MYOC: variants seen among roughly 807,000 people sequenced by gnomAD.
MYOC encodes the protein juvenile-onset open-angle glaucoma 1.
Under a neutral mutation model 28.2 loss-of-function variants are expected in MYOC, and 29 were observed. The ratio of observed to expected loss-of-function variants is 1.03; its 90% confidence interval spans 0.77 to 1.40. The LOEUF (loss-of-function observed/expected upper bound fraction) is 1.40. Ranked by LOEUF, MYOC falls within the 40% of genes most tolerant of loss-of-function variation. MYOC has a pLI of 0.00. For synonymous variants in MYOC, 240 were observed against 245.6 expected, an observed-to-expected ratio of 0.98 and a Z score of 0.21; for missense variants, 569 against 620.6, an observed-to-expected ratio of 0.92 and a Z score of 0.88.
intron 1 of MYOC, among the ~76,000 whole-genome samples, chr1:171,640,078 C>T (rs1350323246): frequency 1.2e-5 from 1 of 84,672 alleles, no homozygotes; most frequent in Admixed American, 1.1e-4. Flanking sequence ...AGGGAGACTC[C>T]TGTTAAAAAA....
intron 1 of MYOC, among the ~76,000 whole-genome samples, chr1:171,648,790 C>T (rs925870133): frequency 1.4e-4 from 21 of 150,574 alleles, no homozygotes; most frequent in Admixed American, 9.9e-4. Context: ...CAGGTTCAAG[C>T]GATTCTCCTG....
intron 1 of MYOC, among the ~76,000 whole-genome samples, chr1:171,651,440 T>A (rs1015469114): frequency 6.6e-6 from 1 of 151,480 alleles, no homozygotes. Context: ...ATTTGTCTGA[T>A]GACTTAAAAG....
intron 1 of MYOC, among the ~76,000 whole-genome samples, chr1:171,646,096 G>C (rs1321564227): frequency 2.6e-5 from 4 of 152,216 alleles, no homozygotes; most frequent in African/African-American, 9.7e-5. Flanking sequence ...TCAGACTCCA[G>C]GAATAGAGCC....
At position 171,652,132 on chromosome 1, in the gene MYOC, C is replaced by T; in HGVS notation, c.480G>A (p.Arg160=). 1 of 1,614,198 alleles carries T rather than the reference C, an allele frequency of 6.2e-7. No individual in the cohort carries two copies. The highest frequency in any genetic ancestry group is 8.5e-7 in the Non-Finnish European group (1 of 1,180,028). Residue 160 remains arginine, a synonymous_variant, in exon 1 of 3, where the codon AGG becomes AGA. Transcript: ENST00000037502. ...SVLEEEKKRL[R]QENENLARRL... is the part of the protein sequence containing the mutation. ...TCCTGGCCAGATTCTCATTTTCTTGCCTTAGTCGCTTCTTCTCTTCCTCCA... is the reference window on the plus strand; with the variant it reads ...TCCTGGCCAGATTCTCATTTTCTTGTCTTAGTCGCTTCTTCTCTTCCTCCA...
chr1:171,647,752 C>T (rs560771655), intron 1 of MYOC, among the ~76,000 whole-genome samples: 55 of 152,248 alleles, frequency 3.6e-4, no homozygotes, highest in African/African-American at 1.2e-3. Context: ...CAGGTTTCTC[C>T]CCTCACCCTC....
At chr1:171,644,207 A>G (rs1017381496) in intron 1 of MYOC, among the ~76,000 whole-genome samples, 1 of 152,140 alleles carries the variant, frequency 6.6e-6, no homozygotes, top group African/African-American at 2.4e-5. Flanking sequence ...AAAACCAAAA[A>G]GAGATTATGA....
intron 1 of MYOC, among the ~76,000 whole-genome samples, chr1:171,651,642 A>G (rs235919): frequency 0.74 from 112,370 of 152,166 alleles, 41,673 homozygotes; most frequent in East Asian, 0.88. Flanking sequence ...CAAAAGGTAC[A>G]AATAACAATC....
chr1:171,640,659 G>A (rs148731503), intron 1 of MYOC, among the ~76,000 whole-genome samples: 199 of 152,242 alleles, frequency 1.3e-3, no homozygotes, highest in African/African-American at 4.6e-3. Context: ...ACTTGAGACC[G>A]GGAGGTCAAG....
chr1:171,638,369 T>G (rs1558086484), intron 2 of MYOC, among the ~76,000 whole-genome samples: 1 of 152,146 alleles, frequency 6.6e-6, no homozygotes, highest in Non-Finnish European at 1.5e-5. Flanking sequence ...GTGTGGGTGA[T>G]AGGATAGAGG....
At chr1:171,644,237 G>A (rs964133086) in intron 1 of MYOC, among the ~76,000 whole-genome samples, 1 of 151,738 alleles carries the variant, frequency 6.6e-6, no homozygotes, top group African/African-American at 2.4e-5. Context: ...GGGCTATATT[G>A]TGACAGATCG....
At position 171,635,765 on chromosome 1, in the gene MYOC, A is replaced by G; in HGVS notation, c.*160T>C. The G allele has an allele frequency of 1.4e-6, 1 of 699,226 alleles. No individual in the cohort carries two copies. Among genetic ancestry groups the G allele is most frequent in the Non-Finnish European group, 2.5e-6 (1 of 404,880 alleles). 43.3% of individuals were successfully genotyped at this position (699,226 alleles called of 1,614,324 possible). ...TACGCCCTCAGACTACAATTCCTGA[A>G]TAGTTAGATGGTGACCATGTTCATC... On this transcript the variant is annotated 3_prime_UTR_variant, in exon 3 of 3. Transcript: ENST00000037502.
chr1:171,636,752 A>G (rs1054865183), intron 2 of MYOC, 43 bp from the exon 3 acceptor site: 40 of 1,583,750 alleles, frequency 2.5e-5, no homozygotes, highest in Non-Finnish European at 3.3e-5. Context: ...CTTAATCCAT[A>G]ATCTTTCCAA....
At chr1:171,651,216 T>C (rs1653342247) in intron 1 of MYOC, among the ~76,000 whole-genome samples, 1 of 152,180 alleles carries the variant, frequency 6.6e-6, no homozygotes, top group African/African-American at 2.4e-5. Context: ...TGGATTTGCT[T>C]GCTTATTTCC....
At chr1:171,642,259 G>A (rs368862597) in intron 1 of MYOC, among the ~76,000 whole-genome samples, 12 of 152,304 alleles carry the variant, frequency 7.9e-5, no homozygotes, top group Admixed American at 5.9e-4. Flanking sequence ...CCCTGGAGGT[G>A]GGTGGGTCCT....
chr1:171,643,062 G>A (rs1180272090), intron 1 of MYOC, among the ~76,000 whole-genome samples: 1 of 152,070 alleles, frequency 6.6e-6, no homozygotes, highest in Admixed American at 6.5e-5. Flanking sequence ...TTCATTCCCT[G>A]CGTCTCCTTC....
intron 1 of MYOC, among the ~76,000 whole-genome samples, chr1:171,650,335 C>T (rs370872046): frequency 6.6e-6 from 1 of 152,200 alleles, no homozygotes; most frequent in African/African-American, 2.4e-5. Context: ...ATTGTCTCCA[C>T]AGATTCAAGT....
intron 1 of MYOC, among the ~76,000 whole-genome samples, chr1:171,650,670 T>C (rs2102950539): frequency 6.6e-6 from 1 of 152,278 alleles, no homozygotes; most frequent in African/African-American, 2.4e-5. Flanking sequence ...AAGGCTCTTT[T>C]TAGGAAATAT....
At position 171,636,157 on chromosome 1, in the gene MYOC, T is replaced by C. The variant is rs1652914349; in HGVS notation, c.1283A>G (p.Asn428Ser). ...CAAGGTGCCACAGATGATGAAGGCA[T>C]TGGCGACTGACTGCTTACGGATGTT... The part of the protein sequence containing the change: ...ETNIRKQSVA[N>S]AFIICGTLYT... Residue 428 changes from asparagine to serine, a missense_variant, in exon 3 of 3, where the codon AAT (asparagine) becomes AGT (serine). Transcript: ENST00000037502. The C allele has an allele frequency of 4.3e-6, 7 of 1,614,174 alleles. No homozygotes were observed. The highest frequency in any genetic ancestry group is 2.2e-5 in the East Asian group (1 of 44,890).
chr1:171,636,924 G>C (rs1423631473), intron 2 of MYOC, among the ~76,000 whole-genome samples: 2 of 152,094 alleles, frequency 1.3e-5, no homozygotes, highest in Admixed American at 6.6e-5. Context: ...TTGTAAAAGG[G>C]GATACTAATA....
Sources: allele counts gnomAD v4.1 joint callset (sites outside exome capture counted in the v4.1 genomes callset), GRCh38; gene constraint gnomAD v4.1.1; transcripts MANE v1.5; gene names NCBI Gene and HGNC (gene_info 2026-07-23, HGNC 2026-07-21).